The following DNAH11 variants were observed in gnomAD, a reference collection of about 807,000 sequenced individuals.
DNAH11 encodes dynein axonemal heavy chain 11, also known as axonemal beta dynein heavy chain 11.
A neutral mutation model predicts 526.0 loss-of-function variants in DNAH11; 442 were observed. The observed-to-expected ratio is 0.84, with a 90% CI of 0.78 to 0.91. The LOEUF is 0.91. Ranked by LOEUF, DNAH11 falls within the 40% of genes least tolerant of loss-of-function variation. DNAH11 has a pLI of 0.00. For missense variants in DNAH11, 6,989 were observed against 5,448.7 expected, an observed-to-expected ratio of 1.28 and a Z score of -8.90; for synonymous variants, 2,461 against 1,935.9, an observed-to-expected ratio of 1.27 and a Z score of -7.12.
At chr7:21,731,669 A>G (rs956107723) in intron 45 of DNAH11, among the ~76,000 whole-genome samples, 1 of 152,208 alleles carries the variant, frequency 6.6e-6, no homozygotes, top group South Asian at 2.1e-4. Flanking sequence ...GGTTTGGTCA[A>G]CATTGGTCCA....
At chr7:21,892,735 C>G in intron 77 of DNAH11, 68 bp downstream of exon 77, 1 of 1,464,500 alleles carries the variant, frequency 6.8e-7, no homozygotes, top group Non-Finnish European at 9.1e-7. Context: ...GTCTACTAAT[C>G]TTAATTGTGC....
intron 65 of DNAH11, among the ~76,000 whole-genome samples, chr7:21,830,644 A>C (rs1790511533): frequency 6.6e-6 from 1 of 152,032 alleles, no homozygotes; most frequent in Non-Finnish European, 1.5e-5. Flanking sequence ...CCTCTAAGCT[A>C]AGCCACCTTG....
chr7:21,717,621 T>TA (rs1554273126), intron 42 of DNAH11, among the ~76,000 whole-genome samples, 154 bp from the exon 43 acceptor site: 1 of 152,212 alleles, frequency 6.6e-6, no homozygotes, highest in Non-Finnish European at 1.5e-5. Flanking sequence ...AGGGCCATTT[T>TA]AAAATATTTG....
In DNAH11 at chr7:21,684,084, C is replaced by T. The variant is rs113593364; in HGVS notation, c.5621+140C>T. On this transcript the variant is annotated intron_variant, in intron 32 of 81. Coordinates refer to ENST00000409508, the MANE Select transcript of DNAH11 (RefSeq NM_001277115.2). ...GGTGAAGAGAATTGAATTAGAGAAA[C>T]AGAGTTACAGAAGCTATACAATGCA... 4.1e-4 allele frequency: 362 copies of T among 875,062 alleles called. 1 individual carries two copies. The African/African-American group carries it at 5.4e-3, about 13-fold the overall frequency. The allele number at this position is 875,062 out of a possible 1,614,324, so 54.2% of individuals were successfully genotyped here.
intron 57 of DNAH11, among the ~76,000 whole-genome samples, chr7:21,782,712 G>T (rs948401925): frequency 3.3e-5 from 5 of 152,132 alleles, no homozygotes; most frequent in African/African-American, 1.2e-4. Context: ...AGCAGTTCAA[G>T]ACCAGCCTGG....
chr7:21,702,792 C>T lies in DNAH11; in HGVS notation c.6263C>T (p.Pro2088Leu). The T allele has an allele frequency of 1.2e-6, 2 of 1,612,566 alleles. No homozygotes were observed. Among genetic ancestry groups the T allele is most frequent in the Non-Finnish European group, 1.7e-6 (2 of 1,179,274 alleles). The change falls in exon 37 of 82, where the codon CCC becomes CTC. Residue 2088 changes from proline to leucine, a missense_variant. By Grantham distance (98) the Pro-to-Leu change is moderately conservative. Coordinates refer to ENST00000409508, the MANE Select transcript of DNAH11 (RefSeq NM_001277115.2). Reference sequence around the variant, plus strand: ...CTGAAACGAGGAGATAAAAATAGACCCGAAGATCAGGTACTGCAATGCTAA... The same window carrying T: ...CTGAAACGAGGAGATAAAAATAGACTCGAAGATCAGGTACTGCAATGCTAA... ...GSLKRGDKNR[P>L]EDQVLMRALR... is the part of the protein sequence containing the mutation.
chr7:21,819,305 C>T (rs376168121), intron 65 of DNAH11, among the ~76,000 whole-genome samples: 2 of 152,148 alleles, frequency 1.3e-5, no homozygotes, highest in African/African-American at 4.8e-5. Flanking sequence ...AATAGGCCTA[C>T]ATCAGGGTGA....
intron 74 of DNAH11, among the ~76,000 whole-genome samples, chr7:21,875,877 CTTT>C (rs35349937): frequency 3.8e-5 from 3 of 78,912 alleles, no homozygotes; most frequent in Admixed American, 1.7e-4. Context: ...AAGAATATTT[CTTT>C]TTTTTTTTTT....
chr7:21,616,268 T>A lies in DNAH11; in HGVS notation c.4071T>A (p.Asp1357Glu). Residue 1357 changes from aspartate (D) to glutamate (E), a missense_variant, in exon 22 of 82, where the codon GAT becomes GAA. Physicochemically the swap from Asp to Glu is conservative, Grantham distance 45. Coordinates refer to ENST00000409508, the MANE Select transcript of DNAH11 (RefSeq NM_001277115.2). ...GACAGATTCATGTGGAACAGATGGA[T>A]GTAGAACTCAGAAGGTTTGCCAAGG... ...QWRQIHVEQM[D>E]VELRRFAKEI... 1 of 1,613,182 alleles carries A rather than the reference T, an allele frequency of 6.2e-7. No homozygotes were observed. The highest frequency in any genetic ancestry group is 8.5e-7 in the Non-Finnish European group (1 of 1,179,482).
At chr7:21,574,474 C>T (rs1784008417) in intron 8 of DNAH11, among the ~76,000 whole-genome samples, 1 of 152,052 alleles carries the variant, frequency 6.6e-6, no homozygotes, top group South Asian at 2.1e-4. Context: ...TTATAGTTTC[C>T]AGTTGGTGGA....
chr7:21,640,582 T>C (rs989914558), intron 28 of DNAH11, among the ~76,000 whole-genome samples: 1 of 152,074 alleles, frequency 6.6e-6, no homozygotes, highest in Non-Finnish European at 1.5e-5. Context: ...ATTAATTCCA[T>C]GGGATAACAG....
chr7:21,548,807 A>C (rs1782907708), intron 2 of DNAH11, among the ~76,000 whole-genome samples: 1 of 152,222 alleles, frequency 6.6e-6, no homozygotes, highest in African/African-American at 2.4e-5. Context: ...CAAGAGGAGT[A>C]GTTCATATTC....
intron 35 of DNAH11, 69 bp from the exon 36 acceptor site, chr7:21,698,006 C>G: frequency 1.3e-6 from 2 of 1,496,134 alleles, no homozygotes; most frequent in Non-Finnish European, 1.8e-6. Context: ...GAAATAACCA[C>G]TTGATTTCAG....
At chr7:21,616,807 A>T (rs546593265) in intron 22 of DNAH11, among the ~76,000 whole-genome samples, 5 of 152,120 alleles carry the variant, frequency 3.3e-5, no homozygotes, top group African/African-American at 1.2e-4. Context: ...TACTTATTGG[A>T]ATTTGATGTC....
At chr7:21,818,480 C>G (rs1789913304) in intron 65 of DNAH11, 141 bp downstream of exon 65, 4 of 791,012 alleles carry the variant, frequency 5.1e-6, no homozygotes, top group Non-Finnish European at 7.6e-6. Flanking sequence ...CACTCCAAGA[C>G]CAAAGCAACT....
At chr7:21,668,821 T>A (rs1246489594) in intron 30 of DNAH11, among the ~76,000 whole-genome samples, 1 of 152,180 alleles carries the variant, frequency 6.6e-6, no homozygotes, top group Non-Finnish European at 1.5e-5. Flanking sequence ...TTTGTGAACA[T>A]ATATTTTCAT....
intron 64 of DNAH11, among the ~76,000 whole-genome samples, chr7:21,816,952 G>A (rs1789822332): frequency 6.6e-6 from 1 of 152,146 alleles, no homozygotes; most frequent in South Asian, 2.1e-4. Context: ...GTCTGTGGGG[G>A]AAAATATGTA....
Position 21,866,512 on chromosome 7 carries a change from G to A in DNAH11, c.11539G>A (p.Val3847Met). The change falls in exon 71 of 82, where the codon GTG (valine) becomes ATG (methionine). Residue 3847 changes from valine (V) to methionine (M), a missense_variant. Physicochemically the swap from Val to Met is conservative, Grantham distance 21. Transcript: ENST00000409508. ...AGAATTTCGAGGCATAGACCGAGAT[G>A]TGGAAGGATCTGCCAAGCAGTGGAG... ...MEEFRGIDRDVEGSAKQWRKW... is the reference protein window; with the variant it reads ...MEEFRGIDRDMEGSAKQWRKW... 1 of 1,613,702 alleles carries A rather than the reference G, an allele frequency of 6.2e-7. No individual in the cohort carries two copies. The highest frequency in any genetic ancestry group is 1.1e-5 in the South Asian group (1 of 91,020).
intron 14 of DNAH11, among the ~76,000 whole-genome samples, chr7:21,596,516 A>G (rs1014956283): frequency 1.3e-5 from 2 of 152,204 alleles, no homozygotes; most frequent in African/African-American, 4.8e-5. Flanking sequence ...ACAACTGTTT[A>G]TGTGTTAGAA....
Sources: gnomAD v4.1 joint callset for allele counts (sites outside exome capture counted in the v4.1 genomes callset) on GRCh38, gnomAD v4.1.1 for gene constraint, MANE v1.5 for transcripts, NCBI Gene and HGNC (gene_info 2026-07-23, HGNC 2026-07-21) for gene names.